CCDC9B: variants seen among roughly 807,000 people sequenced by gnomAD.
CCDC9B encodes the protein coiled-coil domain-containing protein 9B.
A neutral mutation model predicts 47.2 loss-of-function variants in CCDC9B; 40 were observed. The observed-to-expected ratio is 0.85, with a 90% confidence interval of 0.66 to 1.10. CCDC9B has a LOEUF of 1.10. Ranked by LOEUF, CCDC9B falls within the 50% of genes least tolerant of loss-of-function variation. CCDC9B has a pLI of 0.00. For synonymous variants in CCDC9B, 238 were observed against 250.7 expected (o/e 0.95, Z 0.48); for missense variants, 662 against 651.0 (o/e 1.02, Z -0.18).
In CCDC9B at chr15:40,338,158, A is replaced by G; in HGVS notation, c.514-265T>C. The G allele has an allele frequency of 5.6e-6, 4 of 720,540 alleles. No homozygotes were observed. In the South Asian group the frequency reaches 5.9e-5, roughly 11 times the overall value. 44.6% of individuals were successfully genotyped at this position (720,540 alleles called of 1,614,324 possible). On this transcript the variant is annotated intron_variant, in intron 5 of 10. Coordinates refer to ENST00000397536, the MANE Select transcript of CCDC9B (RefSeq NM_207380.3). Reference sequence around the variant, plus strand: ...CAACCCACAGGGGTGTTGCAGGGGTATGCAGACGGGCCGGAGTGGGAGGGG... The same window carrying G: ...CAACCCACAGGGGTGTTGCAGGGGTGTGCAGACGGGCCGGAGTGGGAGGGG...
chr15:40,333,724 G>T lies in CCDC9B; in HGVS notation c.*1434C>A. 1 of 691,432 alleles carries T rather than the reference G, an allele frequency of 1.4e-6. No individual in the cohort carries two copies. Among genetic ancestry groups the T allele is most frequent in the Non-Finnish European group, 1.8e-6 (1 of 562,400 alleles). The allele number at this position is 691,432 out of a possible 1,614,324, so 42.8% of individuals were successfully genotyped here. On this transcript the variant is annotated 3_prime_UTR_variant, in exon 11 of 11. Transcript: ENST00000397536. ...TTCCTGAATAGAGGGGTGGGGTGGA[G>T]TTGAGAGCCAGTGAGGAAGGCTGAG...
intron 7 of CCDC9B, 74 bp downstream of exon 7, chr15:40,337,312 CAG>C (rs776090813): frequency 3.0e-6 from 4 of 1,311,666 alleles, no homozygotes; most frequent in Non-Finnish European, 3.3e-6. Context: ...GACTAAGAGA[CAG>C]AGAAAAGAGA....
At position 40,336,789 on chromosome 15, in the gene CCDC9B, T is replaced by C; in HGVS notation, c.767A>G (p.Gln256Arg). Residue 256 changes from glutamine to arginine, a missense_variant, in exon 8 of 11, where the codon CAG becomes CGG. Transcript: ENST00000397536. ...TCCATCAGGGAGCAATGGTGGGGGC[T>C]GTAGTTTCTGGTGGCTCCTGGGACC... The part of the protein sequence containing the change: ...RRGPRSHQKL[Q>R]PPPLLPDGKG... The C allele has an allele frequency of 6.3e-7, 1 of 1,598,284 alleles. No individual in the cohort carries two copies.
At chr15:40,339,425 A>G in intron 3 of CCDC9B, 87 bp downstream of exon 3, 6 of 1,383,322 alleles carry the variant, frequency 4.3e-6, no homozygotes, top group Non-Finnish European at 5.1e-6. Flanking sequence ...TTAGTAGGAG[A>G]GGGGAACAGA....
rs1674967863 is a variant in CCDC9B, at chr15:40,335,148, G to T, written c.*10C>A. 1 of 1,495,204 alleles carries T rather than the reference G, an allele frequency of 6.7e-7. No individual in the cohort carries two copies. Among genetic ancestry groups the T allele is most frequent in the African/African-American group, 1.4e-5 (1 of 71,540 alleles). 92.6% of individuals were successfully genotyped at this position (1,495,204 alleles called of 1,614,324 possible). A position where few individuals can be genotyped will look rare whatever the true frequency, so the allele number is the denominator to read the frequency against. ...CTCCCCGGGGACTCCCCAGCTCCCA[G>T]GAGCTGTGTTCAGCATCTTCCTGCC... On this transcript the variant is annotated 3_prime_UTR_variant, in exon 11 of 11. Coordinates refer to ENST00000397536, the MANE Select transcript of CCDC9B (RefSeq NM_207380.3).
Position 40,338,784 on chromosome 15 carries a change from C to T in CCDC9B, c.351G>A (p.Leu117=). 1 of 1,614,004 alleles carries T rather than the reference C, an allele frequency of 6.2e-7. No individual in the cohort carries two copies. Among genetic ancestry groups the T allele is most frequent in the Non-Finnish European group, 8.5e-7 (1 of 1,179,888 alleles). ...TCTCCATGGTCACAGCCAGCTCCAC[C>T]AGCTCCCCTAAGCAGAAAGTACCCC... ...DHGGTFCLGE[L]VELAVTMENK... Residue 117 remains leucine, a synonymous_variant, in exon 4 of 11, where the codon CTG becomes CTA. Transcript: ENST00000397536.
rs775795228 is a variant in CCDC9B at position 40,335,116 on chromosome 15, T to A, written c.*42A>T. 1 of 1,468,104 alleles carries A rather than the reference T, an allele frequency of 6.8e-7. No homozygotes were observed. The highest frequency in any genetic ancestry group is 9.0e-7 in the Non-Finnish European group (1 of 1,107,960). 90.9% of individuals were successfully genotyped at this position (1,468,104 alleles called of 1,614,324 possible). A position where few individuals can be genotyped will look rare whatever the true frequency, so the allele number is the denominator to read the frequency against. ...GAGGGCCTTTAACAGAGTGATTCCC[T>A]TTTCCTCTCCCCGGGGACTCCCCAG... On this transcript the variant is annotated 3_prime_UTR_variant, in exon 11 of 11. Transcript: ENST00000397536.
Position 40,340,899 on chromosome 15 carries a change from G to A in CCDC9B, c.-80C>T, listed in dbSNP as rs202070323. On this transcript the variant is annotated 5_prime_UTR_variant, in exon 1 of 11. Coordinates refer to ENST00000397536, the MANE Select transcript of CCDC9B (RefSeq NM_207380.3). ...GAGGAAAGCTGGAGCCACCGGAGCC[G>A]GGCCTCTGCCGGCCTCTCCCTGCCG... 40 of 1,608,174 alleles carry A rather than the reference G, an allele frequency of 2.5e-5. No individual in the cohort carries two copies. Among genetic ancestry groups the A allele is most frequent in the South Asian group, 1.4e-4 (13 of 90,252 alleles).
chr15:40,335,843 C>T lies in CCDC9B; in HGVS notation c.888-17G>A, dbSNP rs773533038. 30 of 1,605,974 alleles carry T rather than the reference C, an allele frequency of 1.9e-5. No individual in the cohort carries two copies. The Admixed American group carries it at 2.4e-4, about 13-fold the overall frequency. On this transcript the variant is annotated splice_polypyrimidine_tract_variant and intron_variant, in intron 9 of 10. Coordinates refer to ENST00000397536, the MANE Select transcript of CCDC9B (RefSeq NM_207380.3). The stretch of plus-strand genomic sequence containing the variant: ...ATATCCCACCTGTAGAAACACAGCT[C>T]ATGGCACGCCCCACCCCACTTCACT...
intron 2 of CCDC9B, 25 bp from the exon 3 acceptor site, chr15:40,339,644 C>T: frequency 1.2e-6 from 2 of 1,611,244 alleles, no homozygotes; most frequent in Non-Finnish European, 1.7e-6. Flanking sequence ...GGGGTCAGCA[C>T]ACGCCATGGC....
chr15:40,336,711 G>A, intron 8 of CCDC9B, 47 bp from the exon 9 acceptor site: 1 of 1,602,008 alleles, frequency 6.2e-7, no homozygotes, highest in Non-Finnish European at 8.5e-7. Context: ...ATAGCAGCCG[G>A]CTCCATCTTT....
chr15:40,335,733 A>G lies in CCDC9B; in HGVS notation c.931-33T>C, dbSNP rs368260502. 444 of 1,590,634 alleles carry G rather than the reference A, an allele frequency of 2.8e-4. No homozygotes were observed. In the African/African-American group the frequency reaches 5.3e-3, roughly 19 times the overall value. On this transcript the variant is annotated intron_variant, in intron 10 of 10. Transcript: ENST00000397536. ...AAGAGAATAGCCCCGGTGGCTGATGAATCCAGGGCTCGCGTCCCCAGCCTG... is the reference window on the plus strand; with the variant it reads ...AAGAGAATAGCCCCGGTGGCTGATGGATCCAGGGCTCGCGTCCCCAGCCTG...
chr15:40,337,985 T>C, intron 5 of CCDC9B, 92 bp from the exon 6 acceptor site: 1 of 1,262,656 alleles, frequency 7.9e-7, no homozygotes, highest in Admixed American at 2.0e-5. Flanking sequence ...CTCTCAAGGT[T>C]TCCACATCTC....
chr15:40,338,486 C>A (rs1889015338), intron 5 of CCDC9B, 49 bp downstream of exon 5: 2 of 1,590,772 alleles, frequency 1.3e-6, no homozygotes, highest in Non-Finnish European at 1.7e-6. Context: ...CTGCCTCCCC[C>A]AAGTGAGGAC....
In CCDC9B at chr15:40,337,892, C is replaced by T. The variant is rs962274512; in HGVS notation, c.515G>A (p.Gly172Asp). 1.3e-6 allele frequency: 2 copies of T among 1,594,040 alleles called. No individual in the cohort carries two copies. The highest frequency in any genetic ancestry group is 1.7e-5 in the Admixed American group (1 of 58,072). ...CGGCCGGCTCCAGGGCTCCCAAGAA[C>T]CCTGTAGGGAGAAGACACTCAGAGT... Reference protein sequence around the residue: ...VAISSDSARKGSWEPWSRPVG... With the variant: ...VAISSDSARKDSWEPWSRPVG... The change falls in exon 6 of 11, where the codon GGT becomes GAT. Residue 172 changes from glycine (G) to aspartate (D), a missense_variant and splice_region_variant. Coordinates refer to ENST00000397536, the MANE Select transcript of CCDC9B (RefSeq NM_207380.3).
chr15:40,339,128 C>G, intron 3 of CCDC9B: 1 of 623,640 alleles, frequency 1.6e-6, no homozygotes, highest in East Asian at 2.8e-5. Flanking sequence ...CATCTCTGAG[C>G]TGGGAAACCC....
rs1888914964 is a variant in CCDC9B at position 40,334,511 on chromosome 15, C to T, written c.*647G>A. 1 of 152,226 alleles carries T rather than the reference C, an allele frequency of 6.6e-6. No individual in the cohort carries two copies. The highest frequency in any genetic ancestry group is 2.1e-4 in the South Asian group (1 of 4,832). The allele number at this position is 152,226 out of a possible 1,614,324, so 9.4% of individuals were successfully genotyped here. A position where few individuals can be genotyped will look rare whatever the true frequency, so the allele number is the denominator to read the frequency against. On this transcript the variant is annotated 3_prime_UTR_variant, in exon 11 of 11. Transcript: ENST00000397536. ...GGAAGAGGAGGTTGTCGCTCCCCAT[C>T]CCAACCCATTTCAGAGAGGAGGACT...
chr15:40,333,501 A>T lies in CCDC9B; in HGVS notation c.*1657T>A, dbSNP rs1202418028. ...GGATCGCCTGAGCCTGGAGGGTTCG[A>T]GGCTGCAGTGAGCCATGATTGTGCC... On this transcript the variant is annotated 3_prime_UTR_variant, in exon 11 of 11. Coordinates refer to ENST00000397536, the MANE Select transcript of CCDC9B (RefSeq NM_207380.3). 7.2e-6 allele frequency: 1 copy of T among 139,038 alleles called. No homozygotes were observed. The highest frequency in any genetic ancestry group is 2.5e-4 in the East Asian group (1 of 4,080). 8.6% of individuals were successfully genotyped at this position (139,038 alleles called of 1,614,324 possible). A position where few individuals can be genotyped will look rare whatever the true frequency, so the allele number is the denominator to read the frequency against.
At chr15:40,338,688 G>A in intron 4 of CCDC9B, 28 bp from the exon 5 acceptor site, 1 of 1,612,824 alleles carries the variant, frequency 6.2e-7, no homozygotes, top group Non-Finnish European at 8.5e-7. Context: ...GGGCAGTGCA[G>A]CAGAGCCAGG....
Sources: allele counts gnomAD v4.1 joint callset, GRCh38; gene constraint gnomAD v4.1.1; transcripts MANE v1.5; gene names NCBI Gene and HGNC (gene_info 2026-07-23, HGNC 2026-07-21).